PRKDC: variants seen among roughly 807,000 people sequenced by gnomAD.
The protein encoded by PRKDC is DNA-dependent protein kinase catalytic subunit.
Under a neutral mutation model 486.9 loss-of-function variants are expected in PRKDC, and 82 were observed. The ratio of observed to expected loss-of-function variants is 0.17; its 90% CI spans 0.14 to 0.20. The LOEUF (loss-of-function observed/expected upper bound fraction) is 0.20, where lower values mean the gene tolerates loss of function less well. Ranked by LOEUF, PRKDC falls within the 10% of genes least tolerant of loss-of-function variation. The pLI is 1.00. For missense variants in PRKDC, 4,504 were observed against 5,038.2 expected (o/e 0.89, Z 3.21); for synonymous variants, 1,895 against 1,837.0 (o/e 1.03, Z -0.81).
intron 54 of PRKDC, among the ~76,000 whole-genome samples, chr8:47,841,804 A>C (rs966110575): frequency 2.0e-5 from 3 of 152,194 alleles, no homozygotes; most frequent in African/African-American, 4.8e-5. Context: ...CTAACAGCCC[A>C]GTGATCTGGG....
intron 30 of PRKDC, among the ~76,000 whole-genome samples, chr8:47,894,234 G>A (rs921528773): frequency 2.6e-5 from 4 of 151,954 alleles, no homozygotes; most frequent in Non-Finnish European, 4.4e-5. Context: ...CCAAGATCAC[G>A]CCACTGCATT....
chr8:47,832,916 C>T (rs1340022224), intron 59 of PRKDC, among the ~76,000 whole-genome samples: 2 of 152,238 alleles, frequency 1.3e-5, no homozygotes, highest in Admixed American at 6.5e-5. Flanking sequence ...AAAAGACCCA[C>T]GTTCTCACAA....
In PRKDC at chr8:47,782,622, C is replaced by G. The variant is rs2086716911; in HGVS notation, c.11176-24G>C. The G allele has an allele frequency of 6.5e-7, 1 of 1,549,144 alleles. No homozygotes were observed. The highest frequency in any genetic ancestry group is 8.7e-7 in the Non-Finnish European group (1 of 1,146,550). ...ACCTTCAAAAATCAGAATGTCATCT[C>G]AGGGCACAGGCTAGCCACGTGTCAA... On this transcript the variant is annotated intron_variant, in intron 78 of 85. Coordinates refer to ENST00000314191, the MANE Select transcript of PRKDC (RefSeq NM_006904.7). The surrounding 1 kb of genome is among the most constrained non-coding windows in gnomAD (Gnocchi z 4.9).
chr8:47,930,730 A>G lies in PRKDC; in HGVS notation c.1834T>C (p.Leu612=). The change falls in exon 17 of 86, where the codon TTG becomes CTG. Residue 612 remains leucine, a synonymous_variant. Coordinates refer to ENST00000314191, the MANE Select transcript of PRKDC (RefSeq NM_006904.7). The part of the protein sequence containing the change: ...MIPTSDPAAN[L]HPAKPKDFSA... The stretch of plus-strand genomic sequence containing the variant: ...AAATCTTTAGGTTTAGCTGGATGCA[A>G]GTTAGCCGCTGGATCTGAAGTTGGG... The G allele has an allele frequency of 6.3e-7, 1 of 1,592,614 alleles. No homozygotes were observed. The highest frequency in any genetic ancestry group is 1.1e-5 in the South Asian group (1 of 86,966).
intron 67 of PRKDC, among the ~76,000 whole-genome samples, chr8:47,818,287 C>G (rs2154498870): frequency 6.6e-6 from 1 of 152,046 alleles, no homozygotes; most frequent in East Asian, 1.9e-4. Context: ...GTTATAAAGA[C>G]TAGGTAATAT....
At chr8:47,813,093 A>ATATT (rs139524100) in intron 68 of PRKDC, among the ~76,000 whole-genome samples, 16,617 of 148,112 alleles carry the variant, frequency 0.11, 1,038 homozygotes, top group African/African-American at 0.13. Flanking sequence ...ATAGAATTTT[A>ATATT]TATTTATTTA....
chr8:47,826,387 T>G (rs190833196), intron 63 of PRKDC, among the ~76,000 whole-genome samples: 1 of 152,376 alleles, frequency 6.6e-6, no homozygotes, highest in East Asian at 1.9e-4. Context: ...CTAAACTTGG[T>G]GAATAATACT....
intron 7 of PRKDC, 150 bp downstream of exon 7, chr8:47,953,470 G>A (rs1349671209): frequency 1.4e-6 from 1 of 721,916 alleles, no homozygotes; most frequent in Non-Finnish European, 2.3e-6. Context: ...ATCATCAGGG[G>A]AACTCGGGAG....
At chr8:47,851,542 C>G (rs2088403227) in intron 52 of PRKDC, among the ~76,000 whole-genome samples, 1 of 152,206 alleles carries the variant, frequency 6.6e-6, no homozygotes, top group Non-Finnish European at 1.5e-5. Flanking sequence ...TCAGGACCAC[C>G]TGGCTTCTCC....
At chr8:47,919,342 T>A (rs1289534860) in intron 21 of PRKDC, among the ~76,000 whole-genome samples, 1 of 152,264 alleles carries the variant, frequency 6.6e-6, no homozygotes, top group Non-Finnish European at 1.5e-5. Flanking sequence ...CCATATGCAT[T>A]TGTCTAATGT....
At chr8:47,894,204 G>A (rs914105128) in intron 30 of PRKDC, among the ~76,000 whole-genome samples, 3 of 152,018 alleles carry the variant, frequency 2.0e-5, no homozygotes, top group Non-Finnish European at 4.4e-5. Context: ...TCGCTTAAAC[G>A]AGGGGGAGGT....
At chr8:47,896,621 T>C (rs1329958198) in intron 30 of PRKDC, among the ~76,000 whole-genome samples, 1 of 137,480 alleles carries the variant, frequency 7.3e-6, no homozygotes, top group African/African-American at 2.8e-5. Context: ...CAGTCCAGCC[T>C]GGGCAAAAGA....
chr8:47,797,812 C>T (rs369851856), intron 73 of PRKDC, among the ~76,000 whole-genome samples: 9 of 152,216 alleles, frequency 5.9e-5, no homozygotes, highest in African/African-American at 1.9e-4. Flanking sequence ...CTCTGGACAC[C>T]GTGCTGCTGG....
At chr8:47,857,364 G>A (rs975205339) in intron 48 of PRKDC, 65 bp from the exon 49 acceptor site, 44 of 1,490,976 alleles carry the variant, frequency 3.0e-5, no homozygotes, top group Non-Finnish European at 3.3e-5. Context: ...ATTAATACAA[G>A]ACTGTATCTT....
At chr8:47,907,270 G>A (rs2089802335) in intron 25 of PRKDC, among the ~76,000 whole-genome samples, 1 of 149,188 alleles carries the variant, frequency 6.7e-6, no homozygotes, top group South Asian at 2.1e-4. Context: ...TTGATCTCCT[G>A]ACCTTGTGAT....
chr8:47,834,593 A>G, intron 58 of PRKDC, among the ~76,000 whole-genome samples, 197 bp from the exon 59 acceptor site: 1 of 151,964 alleles, frequency 6.6e-6, no homozygotes, highest in East Asian at 1.9e-4. Flanking sequence ...CCTGGACCGC[A>G]GTGTCCCCAT....
intron 64 of PRKDC, among the ~76,000 whole-genome samples, chr8:47,822,883 G>A (rs188842229): frequency 3.0e-4 from 46 of 152,264 alleles, no homozygotes; most frequent in Non-Finnish European, 2.6e-4. Context: ...AGCCACTGAC[G>A]GAATGTACAA....
chr8:47,809,450 A>G (rs2087283400), intron 68 of PRKDC, among the ~76,000 whole-genome samples: 2 of 152,226 alleles, frequency 1.3e-5, no homozygotes, highest in African/African-American at 4.8e-5. Context: ...CAGTGTGAAT[A>G]AAGTGCCTGG....
chr8:47,918,701 G>A (rs2090027733), intron 21 of PRKDC, among the ~76,000 whole-genome samples: 1 of 152,042 alleles, frequency 6.6e-6, no homozygotes, highest in African/African-American at 2.4e-5. Context: ...AACCAATCAT[G>A]ATGGCAAAAG....
Sources: allele counts gnomAD v4.1 joint callset (sites outside exome capture counted in the v4.1 genomes callset), GRCh38; gene constraint gnomAD v4.1.1; non-coding constraint Gnocchi (gnomAD v3.1); transcripts MANE v1.5; gene names NCBI Gene and HGNC (gene_info 2026-07-23, HGNC 2026-07-21).